PCCA: variants seen among roughly 807,000 people sequenced by gnomAD.
The protein encoded by PCCA is propionyl-CoA carboxylase alpha chain, mitochondrial.
In PCCA, 74 loss-of-function variants were observed where a neutral mutation model predicts 101.3. That is an observed-to-expected ratio of 0.73 (90% CI 0.61 to 0.89). The LOEUF is 0.89. Among genes scored for constraint, PCCA ranks in the 40% least tolerant of loss-of-function variants. PCCA has a pLI of 0.00. For missense variants in PCCA, 891 were observed against 907.0 expected (o/e 0.98, Z 0.23); for synonymous variants, 294 against 313.6 (o/e 0.94, Z 0.66).
intron 4 of PCCA, 110 bp from the exon 5 acceptor site, chr13:100,154,869 T>C: frequency 1.3e-6 from 1 of 781,678 alleles, no homozygotes; most frequent in Non-Finnish European, 2.3e-6. Context: ...GAAATACGAC[T>C]CTATAAATGA....
intron 14 of PCCA, among the ~76,000 whole-genome samples, chr13:100,304,600 T>TATCTC (rs1373643316): frequency 6.6e-6 from 1 of 152,168 alleles, no homozygotes; most frequent in Non-Finnish European, 1.5e-5. Flanking sequence ...GGGTGGGAGA[T>TATCTC]GTCTGATAGT....
rs899724243 is a variant in PCCA at position 100,483,006 on chromosome 13, A to T, written c.1900-32421A>T. 6.6e-5 allele frequency among the ~76,000 whole-genome samples: 10 copies of T among 152,304 alleles called. No individual in the cohort carries two copies. In the East Asian group the frequency reaches 7.7e-4, roughly 12 times the overall value. On this transcript the variant is annotated intron_variant, in intron 21 of 23. Coordinates refer to ENST00000376285, the MANE Select transcript of PCCA (RefSeq NM_000282.4). ...GGAATTAGCAAAAAATGACTACATC[A>T]TCCAAATTTGACTTTGTACTAACAT...
intron 7 of PCCA, among the ~76,000 whole-genome samples, chr13:100,230,478 A>G (rs1001625090): frequency 5.3e-5 from 8 of 151,494 alleles, no homozygotes; most frequent in Non-Finnish European, 1.2e-4. Flanking sequence ...CCAGGAGGCA[A>G]AGGTTGCAGT....
At chr13:100,336,090 C>T (rs1343819871) in intron 17 of PCCA, among the ~76,000 whole-genome samples, 1 of 152,008 alleles carries the variant, frequency 6.6e-6, no homozygotes, top group African/African-American at 2.4e-5. Flanking sequence ...TGGAGAAACC[C>T]CGTCTCTACT....
At chr13:100,501,805 C>T (rs1030349666) in intron 21 of PCCA, among the ~76,000 whole-genome samples, 2 of 151,988 alleles carry the variant, frequency 1.3e-5, no homozygotes, top group African/African-American at 4.8e-5. Flanking sequence ...ACCCGGGTGG[C>T]GGAGGTTGGG....
At chr13:100,116,754 C>T (rs2048835722) in intron 4 of PCCA, among the ~76,000 whole-genome samples, 1 of 152,060 alleles carries the variant, frequency 6.6e-6, no homozygotes, top group Non-Finnish European at 1.5e-5. Context: ...AAGGAGTTGG[C>T]AACCTTTTTT....
At chr13:100,316,962 C>T (rs544575795) in intron 16 of PCCA, among the ~76,000 whole-genome samples, 9 of 151,900 alleles carry the variant, frequency 5.9e-5, no homozygotes, top group African/African-American at 1.9e-4. Context: ...TTAGTAGAGA[C>T]GGGGTTTCAC....
chr13:100,285,671 A>G (rs951310889), intron 12 of PCCA, among the ~76,000 whole-genome samples: 1 of 152,266 alleles, frequency 6.6e-6, no homozygotes, highest in South Asian at 2.1e-4. Context: ...CATGTTTCAA[A>G]TACGCACGTG....
intron 12 of PCCA, among the ~76,000 whole-genome samples, chr13:100,278,485 A>AT (rs35433903): frequency 0.48 from 67,368 of 141,610 alleles, 15,590 homozygotes; most frequent in Middle Eastern, 0.54. Context: ...CCGATAGTTG[A>AT]TTTTTTTTTT....
chr13:100,360,729 A>G (rs548700361), intron 18 of PCCA, among the ~76,000 whole-genome samples: 22 of 152,300 alleles, frequency 1.4e-4, no homozygotes, highest in African/African-American at 4.8e-4. Flanking sequence ...GCAAAATGGT[A>G]AGCCACTTTA....
At chr13:100,301,767 T>C (rs2066080396) in intron 13 of PCCA, among the ~76,000 whole-genome samples, 164 bp downstream of exon 13, 2 of 152,250 alleles carry the variant, frequency 1.3e-5, no homozygotes, top group South Asian at 4.1e-4. Context: ...TTTGACCTAA[T>C]TCCAGATAGT....
chr13:100,488,620 G>GTTTT, intron 21 of PCCA, among the ~76,000 whole-genome samples: 1 of 121,670 alleles, frequency 8.2e-6, no homozygotes, highest in African/African-American at 3.2e-5. Context: ...TACAAGTTTT[G>GTTTT]TTTTTTTGTT....
intron 1 of PCCA, among the ~76,000 whole-genome samples, chr13:100,098,929 A>G (rs2047017728): frequency 6.6e-6 from 1 of 152,208 alleles, no homozygotes; most frequent in Admixed American, 6.5e-5. Flanking sequence ...TCTTCAGAGA[A>G]GGGCATGGGC....
intron 19 of PCCA, among the ~76,000 whole-genome samples, chr13:100,415,455 G>A (rs2078304623): frequency 6.6e-6 from 1 of 152,138 alleles, no homozygotes. Context: ...TCCACAGTTT[G>A]TGCAGAACAG....
At chr13:100,344,160 C>T (rs1192763322) in intron 18 of PCCA, among the ~76,000 whole-genome samples, 1 of 152,076 alleles carries the variant, frequency 6.6e-6, no homozygotes, top group Non-Finnish European at 1.5e-5. Flanking sequence ...GTGGTACCAA[C>T]AAAGGGCTTG....
chr13:100,405,053 G>A (rs1405277759), intron 19 of PCCA, among the ~76,000 whole-genome samples: 1 of 152,164 alleles, frequency 6.6e-6, no homozygotes, highest in Non-Finnish European at 1.5e-5. Context: ...GGAATACTAA[G>A]GTGAAACTGT....
At chr13:100,160,385 C>G (rs1382205887) in intron 6 of PCCA, among the ~76,000 whole-genome samples, 1 of 151,980 alleles carries the variant, frequency 6.6e-6, no homozygotes, top group Non-Finnish European at 1.5e-5. Flanking sequence ...AGCCTTTGAT[C>G]CCAGCTACGT....
chr13:100,253,356 A>G (rs896062941), intron 8 of PCCA, among the ~76,000 whole-genome samples: 1 of 152,194 alleles, frequency 6.6e-6, no homozygotes, highest in Non-Finnish European at 1.5e-5. Flanking sequence ...AGTTTTCTGA[A>G]TCGTTGGCCT....
intron 19 of PCCA, among the ~76,000 whole-genome samples, chr13:100,386,790 A>G (rs1474444868): frequency 6.6e-6 from 1 of 152,246 alleles, no homozygotes; most frequent in African/African-American, 2.4e-5. Flanking sequence ...AAGGAGCCAC[A>G]AGAAACTGGG....
Sources: gnomAD v4.1 joint callset for allele counts (sites outside exome capture counted in the v4.1 genomes callset) on GRCh38, gnomAD v4.1.1 for gene constraint, MANE v1.5 for transcripts, NCBI Gene and HGNC (gene_info 2026-07-23, HGNC 2026-07-21) for gene names.